ZBTB20: variants seen among roughly 807,000 people sequenced by gnomAD.
ZBTB20 encodes zinc finger and BTB domain containing 20.
A neutral mutation model predicts 56.9 loss-of-function variants in ZBTB20; 9 were observed. The observed-to-expected ratio is 0.16, with a 90% CI of 0.10 to 0.28. The LOEUF (loss-of-function observed/expected upper bound fraction) is 0.28, where lower values mean the gene tolerates loss of function less well. ZBTB20 is among the 10% of genes least tolerant of loss of function. The probability of loss-of-function intolerance (pLI) is 1.00; values close to 1 mark genes in which losing one functional copy is unlikely to be tolerated. For missense variants in ZBTB20, 655 were observed against 1,003.0 expected (o/e 0.65, Z 4.69); for synonymous variants, 417 against 420.7 (o/e 0.99, Z 0.11).
rs75539483 is a variant in ZBTB20, at chr3:114,748,860, T to G, written c.-343+52241A>C. On this transcript the variant is annotated intron_variant, in intron 5 of 11. Transcript: ENST00000675478. ...GTTAATGCCTCATAAGATAAACATA[T>G]AGATTGATGATGGAGGCATTTAAAA... Among the ~76,000 whole-genome samples, 103 of 152,294 alleles carry G rather than the reference T, an allele frequency of 6.8e-4. No individual in the cohort carries two copies. In the East Asian group the frequency reaches 0.019, roughly 27 times the overall value.
intron 6 of ZBTB20, among the ~76,000 whole-genome samples, chr3:114,663,877 A>T (rs1418338638): frequency 6.6e-6 from 1 of 151,464 alleles, no homozygotes; most frequent in Non-Finnish European, 1.5e-5. Flanking sequence ...AGGAGCACCC[A>T]GATTCATAAA....
intron 7 of ZBTB20, among the ~76,000 whole-genome samples, chr3:114,486,328 CTGA>C (rs1435065855): frequency 6.6e-6 from 1 of 152,000 alleles, no homozygotes; most frequent in Non-Finnish European, 1.5e-5. Context: ...ATGTTAATGA[CTGA>C]TGATAATGTA....
intron 2 of ZBTB20, among the ~76,000 whole-genome samples, chr3:114,983,775 T>A (rs1201778667): frequency 6.6e-6 from 1 of 152,070 alleles, no homozygotes; most frequent in African/African-American, 2.4e-5. Context: ...TTAAACTAAA[T>A]TAACTGAATT....
At chr3:114,579,618 A>G (rs2054440710) in intron 6 of ZBTB20, among the ~76,000 whole-genome samples, 1 of 151,630 alleles carries the variant, frequency 6.6e-6, no homozygotes, top group African/African-American at 2.4e-5. Context: ...AATAAATAAT[A>G]AAGTAGATAA....
chr3:114,486,510 G>C (rs1577041077), intron 7 of ZBTB20, among the ~76,000 whole-genome samples: 1 of 152,144 alleles, frequency 6.6e-6, no homozygotes, highest in East Asian at 1.9e-4. Flanking sequence ...TACTGGTGAA[G>C]AACCAATGCA....
chr3:114,426,375 C>A (rs560527373), intron 7 of ZBTB20, among the ~76,000 whole-genome samples: 6 of 146,736 alleles, frequency 4.1e-5, no homozygotes, highest in Non-Finnish European at 7.4e-5. Context: ...AAAAAAATTG[C>A]CTCCTCACTC....
At chr3:114,688,305 T>A (rs2062473930) in intron 6 of ZBTB20, 1 of 150,886 alleles carries the variant, frequency 6.6e-6, no homozygotes, top group Non-Finnish European at 1.5e-5. Context: ...GGTGATGGGA[T>A]CATACATACC....
At chr3:115,007,305 C>T (rs1279129695) in intron 2 of ZBTB20, among the ~76,000 whole-genome samples, 1 of 151,414 alleles carries the variant, frequency 6.6e-6, no homozygotes. Context: ...CCAATTATGT[C>T]TACTCCTTTT....
chr3:115,001,707 T>C (rs760409153), intron 2 of ZBTB20, among the ~76,000 whole-genome samples: 5 of 151,440 alleles, frequency 3.3e-5, no homozygotes, highest in Non-Finnish European at 4.4e-5. Flanking sequence ...TAAGATCTAT[T>C]ATGAAGAAAA....
intron 7 of ZBTB20, among the ~76,000 whole-genome samples, chr3:114,422,357 G>A (rs1219350300): frequency 6.6e-6 from 1 of 152,156 alleles, no homozygotes. Flanking sequence ...CCTTGTGGCT[G>A]TGAAGTAGGA....
At chr3:114,385,275 C>T (rs556827743) in intron 8 of ZBTB20, among the ~76,000 whole-genome samples, 65 of 152,234 alleles carry the variant, frequency 4.3e-4, no homozygotes, top group Non-Finnish European at 6.8e-4. Flanking sequence ...GGCTTAGTAT[C>T]TGGGCAGGAG....
At chr3:114,770,365 A>G (rs2069111889) in intron 5 of ZBTB20, among the ~76,000 whole-genome samples, 1 of 151,600 alleles carries the variant, frequency 6.6e-6, no homozygotes, top group Admixed American at 6.6e-5. Flanking sequence ...ACTTGAACCC[A>G]GGAGGCAGTA....
At chr3:114,792,115 A>G (rs2071002066) in intron 5 of ZBTB20, 1 of 152,178 alleles carries the variant, frequency 6.6e-6, no homozygotes, top group African/African-American at 2.4e-5. Flanking sequence ...GCTTCTCATC[A>G]GTCTTGAAGA....
intron 4 of ZBTB20, among the ~76,000 whole-genome samples, chr3:114,863,574 T>C (rs2075632814): frequency 6.6e-6 from 1 of 152,114 alleles, no homozygotes; most frequent in African/African-American, 2.4e-5. Flanking sequence ...AATGACCTCA[T>C]TTGAGGTTAC....
chr3:114,815,934 G>A (rs2072883883), intron 4 of ZBTB20, among the ~76,000 whole-genome samples: 1 of 151,846 alleles, frequency 6.6e-6, no homozygotes. Flanking sequence ...TACTATCTTT[G>A]CTACAACACT....
chr3:115,096,493 T>G (rs1228149275), intron 1 of ZBTB20, among the ~76,000 whole-genome samples: 3 of 152,068 alleles, frequency 2.0e-5, no homozygotes, highest in African/African-American at 7.2e-5. Context: ...TAAACCAGCT[T>G]TAATGTCCAT....
intron 5 of ZBTB20, among the ~76,000 whole-genome samples, chr3:114,768,410 T>C (rs2068933622): frequency 6.6e-6 from 1 of 152,072 alleles, no homozygotes; most frequent in Non-Finnish European, 1.5e-5. Flanking sequence ...TGCACTAATA[T>C]ATAATACTGC....
intron 2 of ZBTB20, among the ~76,000 whole-genome samples, chr3:115,051,810 C>T (rs2081559496): frequency 6.6e-6 from 1 of 152,142 alleles, no homozygotes; most frequent in East Asian, 1.9e-4. Context: ...GATTAATTGA[C>T]TTAATAGTTC....
intron 3 of ZBTB20, among the ~76,000 whole-genome samples, chr3:114,900,842 G>A (rs2075090312): frequency 6.6e-6 from 1 of 152,058 alleles, no homozygotes; most frequent in African/African-American, 2.4e-5. Context: ...AACTTTGAAT[G>A]TTCGTTAACT....
Sources: allele counts gnomAD v4.1 joint callset (sites outside exome capture counted in the v4.1 genomes callset), GRCh38; gene constraint gnomAD v4.1.1; transcripts MANE v1.5; gene names NCBI Gene and HGNC (gene_info 2026-07-23, HGNC 2026-07-21).